The following FEZF1 variants were observed in gnomAD, a reference collection of about 807,000 sequenced individuals.
FEZF1 encodes FEZ family zinc finger 1.
Under a neutral mutation model 32.4 loss-of-function variants are expected in FEZF1, and 8 were observed. The observed-to-expected ratio is 0.25, with a 90% CI of 0.15 to 0.45. The LOEUF is 0.45. Among genes scored for constraint, FEZF1 ranks in the 20% least tolerant of loss-of-function variants. FEZF1 has a pLI of 1.00. For synonymous variants in FEZF1, 259 were observed against 265.2 expected (o/e 0.98, Z 0.23); for missense variants, 546 against 622.3 (o/e 0.88, Z 1.31).
Position 122,302,415 on chromosome 7 carries a change from G to A in FEZF1, c.1070-60C>T. The A allele has an allele frequency of 1.2e-6, 2 of 1,604,802 alleles. No homozygotes were observed. The highest frequency in any genetic ancestry group is 1.7e-6 in the Non-Finnish European group (2 of 1,177,554). On this transcript the variant is annotated intron_variant, in intron 3 of 3. Coordinates refer to ENST00000442488, the MANE Select transcript of FEZF1 (RefSeq NM_001024613.4). The surrounding 1 kb of genome is among the most constrained non-coding windows in gnomAD (Gnocchi z 4.4). ...AAAAAAAAATAGCTTAAAAAGGGAG[G>A]AGCAGACACGTGGAAGGTAGCGCCA...
At chr7:122,303,025 C>T (rs965481497) in intron 2 of FEZF1, 94 bp from the exon 3 acceptor site, 21 of 1,517,120 alleles carry the variant, frequency 1.4e-5, no homozygotes, top group Non-Finnish European at 1.7e-5. Flanking sequence ...TAAACACTTT[C>T]AAGCAGAACA....
chr7:122,303,047 T>C (rs1051608495), intron 2 of FEZF1, 116 bp from the exon 3 acceptor site: 35 of 1,522,978 alleles, frequency 2.3e-5, no homozygotes, highest in South Asian at 3.7e-5. Context: ...AAGCAAACAA[T>C]ACATGGCATT....
chr7:122,307,898 G>T (rs1294779659), upstream of FEZF1, among the ~76,000 whole-genome samples: 1 of 152,114 alleles, frequency 6.6e-6, no homozygotes, highest in African/African-American at 2.4e-5. Flanking sequence ...AATAAGAATT[G>T]TCACAAAACA....
Position 122,302,473 on chromosome 7 carries a change from C to CA in FEZF1, c.1070-119dup. 6.8e-7 allele frequency: 1 copy of CA among 1,461,094 alleles called. No individual in the cohort carries two copies. The highest frequency in any genetic ancestry group is 2.4e-5 in the East Asian group (1 of 41,790). The allele number at this position is 1,461,094 out of a possible 1,614,324, so 90.5% of individuals were successfully genotyped here. ...AGAAGAGCCGCCACAGGTCCCACAA[C>CA]AAGTGCAGGGCTACTATCTGTGCCT... On this transcript the variant is annotated intron_variant, in intron 3 of 3. Coordinates refer to ENST00000442488, the MANE Select transcript of FEZF1 (RefSeq NM_001024613.4). This position sits in a 1 kb window ranked among gnomAD's most constrained non-coding sequence, Gnocchi z 4.4.
Position 122,303,826 on chromosome 7 carries a change from C to T in FEZF1, c.612G>A (p.Leu204=). The change falls in exon 1 of 4, where the codon CTG becomes CTA. Residue 204 remains leucine (L), a synonymous_variant. Coordinates refer to ENST00000442488, the MANE Select transcript of FEZF1 (RefSeq NM_001024613.4). ...GGTATTTCTCCACCGCCGGGACCAC[C>T]AGTTTATTCCTTTCGGCTAAATACG... ...PKTYLAERNK[L]VVPAVEKYPS... 6.2e-7 allele frequency: 1 copy of T among 1,614,254 alleles called. No homozygotes were observed. The highest frequency in any genetic ancestry group is 1.6e-4 in the Middle Eastern group (1 of 6,062).
chr7:122,307,166 G>A (rs1481135273), upstream of FEZF1: 1 of 152,268 alleles, frequency 6.6e-6, no homozygotes, highest in Non-Finnish European at 1.5e-5. Context: ...TCAGACAAAG[G>A]GCACGGGAAG....
At chr7:122,309,361 T>A (rs1179219520), upstream of FEZF1, among the ~76,000 whole-genome samples, 1 of 152,212 alleles carries the variant, frequency 6.6e-6, no homozygotes, top group African/African-American at 2.4e-5. Context: ...TCTCTAGACC[T>A]TTGTTGTTAT....
At chr7:122,306,015 C>T (rs769603293), upstream of FEZF1, 4 of 152,250 alleles carry the variant, frequency 2.6e-5, no homozygotes, top group Non-Finnish European at 4.4e-5. Context: ...CAGGCAAGAG[C>T]GTCCAGGAGC....
At position 122,303,808 on chromosome 7, in the gene FEZF1, C is replaced by A; in HGVS notation, c.630G>T (p.Glu210Asp). The change falls in exon 1 of 4, where the codon GAG becomes GAT. Residue 210 changes from glutamate (E) to aspartate (D), a missense_variant. Glu to Asp is a conservative substitution (Grantham distance 45). This residue lies in a region of FEZF1 where 345 missense variants were observed against 360.6 expected (regional missense o/e 0.96). Coordinates refer to ENST00000442488, the MANE Select transcript of FEZF1 (RefSeq NM_001024613.4). The stretch of plus-strand genomic sequence containing the variant: ...TGAAAGCTACTCCAGAAGGGTATTT[C>A]TCCACCGCCGGGACCACCAGTTTAT... The part of the protein sequence containing the change: ...ERNKLVVPAV[E>D]KYPSGVAFKD... The A allele has an allele frequency of 6.2e-7, 1 of 1,614,224 alleles. No homozygotes were observed. Among genetic ancestry groups the A allele is most frequent in the Non-Finnish European group, 8.5e-7 (1 of 1,180,042 alleles).
Position 122,304,434 on chromosome 7 carries a change from C to A in FEZF1, c.4G>T (p.Asp2Tyr). The A allele has an allele frequency of 6.4e-7, 1 of 1,552,514 alleles. No individual in the cohort carries two copies. Residue 2 changes from aspartate to tyrosine, a missense_variant, in exon 1 of 4, where the codon GAC (aspartate) becomes TAC (tyrosine). Coordinates refer to ENST00000442488, the MANE Select transcript of FEZF1 (RefSeq NM_001024613.4). MDSSCHNATTKM... is the reference protein window; with the variant it reads MYSSCHNATTKM... The stretch of plus-strand genomic sequence containing the variant: ...GTAGTCGCGTTGTGGCAGCTACTGT[C>A]CATGTCTGAGTCGCCAGCGTCCGTC...
rs751532333 is a variant in FEZF1 at position 122,302,214 on chromosome 7, G to A, written c.1211C>T (p.Thr404Met). ...HNDKKPFTCP[T>M]CGKGFCRNFD... ...GTTCCTGCAGAAACCCTTGCCGCAC[G>A]TGGGGCAGGTGAAAGGCTTCTTGTC... is the stretch of plus-strand genomic sequence containing the variant. The change falls in exon 4 of 4, where the codon ACG becomes ATG. Residue 404 changes from threonine (T) to methionine (M), a missense_variant. This residue lies in a region of FEZF1 where 118 missense variants were observed against 188.7 expected (regional missense o/e 0.63). Transcript: ENST00000442488. This position sits in a 1 kb window ranked among gnomAD's most constrained non-coding sequence, Gnocchi z 4.4. The A allele has an allele frequency of 4.3e-6, 7 of 1,614,098 alleles. No homozygotes were observed. Among genetic ancestry groups the A allele is most frequent in the Non-Finnish European group, 5.9e-6 (7 of 1,180,042 alleles).
At chr7:122,303,344 C>G (rs770271162) in intron 1 of FEZF1, 33 bp from the exon 2 acceptor site, 1 of 1,611,588 alleles carries the variant, frequency 6.2e-7, no homozygotes, top group African/African-American at 1.3e-5. Context: ...ACAGGTTAGC[C>G]GCACAAGTAA....
chr7:122,303,665 T>G lies in FEZF1; in HGVS notation c.773A>C (p.Lys258Thr). Residue 258 changes from lysine (K) to threonine (T), a missense_variant, in exon 1 of 4, where the codon AAA becomes ACA. Coordinates refer to ENST00000442488, the MANE Select transcript of FEZF1 (RefSeq NM_001024613.4). Reference protein sequence around the residue: ...FSRGSPNAKPKVFTCEVCGKV... With the variant: ...FSRGSPNAKPTVFTCEVCGKV... ...TCCACACACTTCGCAAGTGAAAACT[T>G]TGGGCTTGGCATTAGGAGAGCCTCG... 1.2e-6 allele frequency: 2 copies of G among 1,613,930 alleles called. No homozygotes were observed. Among genetic ancestry groups the G allele is most frequent in the African/African-American group, 1.3e-5 (1 of 74,964 alleles).
At position 122,304,324 on chromosome 7, in the gene FEZF1, C is replaced by T; in HGVS notation, c.114G>A (p.Ala38=). The T allele has an allele frequency of 6.2e-7, 1 of 1,613,138 alleles. No individual in the cohort carries two copies. The highest frequency in any genetic ancestry group is 8.5e-7 in the Non-Finnish European group (1 of 1,179,456). ...PLAFSIERIM[A]RTPEPKALPV... is the part of the protein sequence containing the mutation. ...GCAGGGCCTTGGGCTCTGGGGTGCGCGCCATGATTCGTTCAATGGAGAAAG... is the reference window on the plus strand; with the variant it reads ...GCAGGGCCTTGGGCTCTGGGGTGCGTGCCATGATTCGTTCAATGGAGAAAG... Residue 38 remains alanine (A), a synonymous_variant, in exon 1 of 4, where the codon GCG becomes GCA. Transcript: ENST00000442488.
chr7:122,302,371 G>T lies in FEZF1; in HGVS notation c.1070-16C>A, dbSNP rs1345264345. On this transcript the variant is annotated splice_polypyrimidine_tract_variant and intron_variant, in intron 3 of 3. Transcript: ENST00000442488. This position sits in a 1 kb window ranked among gnomAD's most constrained non-coding sequence, Gnocchi z 4.4. The stretch of plus-strand genomic sequence containing the variant: ...TTGTAATTCCCTGAAACACACAAAT[G>T]ACAGGAATATGGTTCTGAAAAAAAA... 2 of 1,612,832 alleles carry T rather than the reference G, an allele frequency of 1.2e-6. No homozygotes were observed. The highest frequency in any genetic ancestry group is 2.7e-5 in the African/African-American group (2 of 74,056).
In FEZF1 at chr7:122,302,021, G is replaced by A. The variant is rs2031053499; in HGVS notation, c.1404C>T (p.Pro468=). 2 of 1,596,820 alleles carry A rather than the reference G, an allele frequency of 1.3e-6. No individual in the cohort carries two copies. Among genetic ancestry groups the A allele is most frequent in the South Asian group, 1.1e-5 (1 of 90,656 alleles). ...PPLPTPGPLQ[P]GLHQGHQ ...ATCACTGGTGGCCCTGGTGGAGCCC[G>A]GGCTGCAGGGGCCCCGGGGTTGGCA... Residue 468 remains proline (P), a synonymous_variant, in exon 4 of 4, where the codon CCC becomes CCT. Coordinates refer to ENST00000442488, the MANE Select transcript of FEZF1 (RefSeq NM_001024613.4). The surrounding 1 kb of genome is among the most constrained non-coding windows in gnomAD (Gnocchi z 4.4).
upstream of FEZF1, chr7:122,307,281 C>T (rs967005353): frequency 6.6e-6 from 1 of 152,332 alleles, no homozygotes; most frequent in Non-Finnish European, 1.5e-5. Flanking sequence ...GATTCCTTTT[C>T]CTACCTGCCA....
intron 2 of FEZF1, 73 bp from the exon 3 acceptor site, chr7:122,303,004 A>C: frequency 6.5e-7 from 1 of 1,545,352 alleles, no homozygotes; most frequent in Non-Finnish European, 8.8e-7. Flanking sequence ...AGCTCAAAAC[A>C]CAGTAATGCT....
At chr7:122,303,101 G>A in intron 2 of FEZF1, 76 bp downstream of exon 2, 14 of 1,598,492 alleles carry the variant, frequency 8.8e-6, no homozygotes, top group Non-Finnish European at 1.1e-5. Context: ...TTATCCTAAA[G>A]AGTAAGGTTT....
Sources: allele counts gnomAD v4.1 joint callset (sites outside exome capture counted in the v4.1 genomes callset), GRCh38; gene constraint gnomAD v4.1.1; regional missense constraint gnomAD v4.1.1; non-coding constraint Gnocchi (gnomAD v3.1); transcripts MANE v1.5; gene names NCBI Gene and HGNC (gene_info 2026-07-23, HGNC 2026-07-21).